SHB: variants seen among roughly 807,000 people sequenced by gnomAD.
The protein encoded by SHB is SH2 domain-containing adapter protein B.
In SHB, 20 loss-of-function variants were observed where a neutral mutation model predicts 52.3. The observed-to-expected ratio is 0.38, with a 90% CI of 0.27 to 0.56. SHB has a LOEUF of 0.56. Ranked by LOEUF, SHB falls within the 20% of genes least tolerant of loss-of-function variation. SHB has a pLI of 0.71. For synonymous variants in SHB, 397 were observed against 316.5 expected (o/e 1.25, Z -2.70); for missense variants, 825 against 723.3 (o/e 1.14, Z -1.61).
At chr9:38,028,282 C>A (rs1448776963) in intron 1 of SHB, among the ~76,000 whole-genome samples, 1 of 152,188 alleles carries the variant, frequency 6.6e-6, no homozygotes, top group African/African-American at 2.4e-5. Context: ...TCAAGGAGGG[C>A]CCAGAGCTGT....
At chr9:38,037,704 A>C (rs1428193720) in intron 1 of SHB, among the ~76,000 whole-genome samples, 1 of 152,176 alleles carries the variant, frequency 6.6e-6, no homozygotes, top group Non-Finnish European at 1.5e-5. Context: ...CACCTCCGCT[A>C]GAAGTGAGCC....
chr9:37,954,036 G>A (rs1832600360), intron 4 of SHB, among the ~76,000 whole-genome samples: 1 of 152,182 alleles, frequency 6.6e-6, no homozygotes, highest in Admixed American at 6.5e-5. Flanking sequence ...GCTGGGCCCA[G>A]ACTGACCCAG....
intron 1 of SHB, among the ~76,000 whole-genome samples, chr9:38,044,780 CTCTG>C (rs1357194088): frequency 6.6e-6 from 1 of 152,236 alleles, no homozygotes; most frequent in Non-Finnish European, 1.5e-5. Flanking sequence ...CAATCAACCT[CTCTG>C]AGATCACTTA....
At position 37,977,302 on chromosome 9, in the gene SHB, T is replaced by C. The variant is rs1199979008; in HGVS notation, c.839-2465A>G. 2.6e-5 allele frequency among the ~76,000 whole-genome samples: 4 copies of C among 151,824 alleles called. No individual in the cohort carries two copies. In the East Asian group the frequency reaches 5.8e-4, roughly 22 times the overall value. On this transcript the variant is annotated intron_variant, in intron 2 of 5. Coordinates refer to ENST00000377707, the MANE Select transcript of SHB (RefSeq NM_003028.3). Reference sequence around the variant, plus strand: ...GGGGCTTGCTTTCTCTGCTGAGAGGTGAGATTTGCAAGTGTTGGAGAGCCA... The same window carrying C: ...GGGGCTTGCTTTCTCTGCTGAGAGGCGAGATTTGCAAGTGTTGGAGAGCCA...
intron 5 of SHB, among the ~76,000 whole-genome samples, chr9:37,930,585 A>G (rs1303424688): frequency 1.3e-5 from 2 of 152,216 alleles, no homozygotes; most frequent in Non-Finnish European, 2.9e-5. Context: ...CTCCTCACCA[A>G]CTGACCAAGG....
intron 3 of SHB, among the ~76,000 whole-genome samples, chr9:37,956,393 G>A (rs965152947): frequency 6.6e-6 from 1 of 152,164 alleles, no homozygotes; most frequent in African/African-American, 2.4e-5. Flanking sequence ...CCTCTGGACA[G>A]TTCTCAGGGG....
At chr9:38,062,428 T>TGAACCCGGGAGGCAGAGGTTGCA (rs1821906850) in intron 1 of SHB, among the ~76,000 whole-genome samples, 1 of 152,208 alleles carries the variant, frequency 6.6e-6, no homozygotes, top group Admixed American at 6.5e-5. Context: ...TGGCTGGCCT[T>TGAACCCGGGAGGCAGAGGTTGCA]ATGATTTGCT....
At chr9:38,015,536 T>G in intron 2 of SHB, 1 of 696,198 alleles carries the variant, frequency 1.4e-6, no homozygotes, top group South Asian at 1.5e-5. Context: ...CAAAGATTTC[T>G]CGGGATGCGG....
chr9:37,921,801 C>G (rs1832183532), intron 5 of SHB, among the ~76,000 whole-genome samples: 1 of 152,228 alleles, frequency 6.6e-6, no homozygotes, highest in African/African-American at 2.4e-5. Flanking sequence ...ACTCACCTAC[C>G]CACCACGCCG....
At chr9:37,983,960 A>G (rs1464071138) in intron 2 of SHB, among the ~76,000 whole-genome samples, 1 of 152,196 alleles carries the variant, frequency 6.6e-6, no homozygotes, top group Non-Finnish European at 1.5e-5. Flanking sequence ...GAAAACACCG[A>G]TCCCACTAGA....
intron 5 of SHB, 141 bp downstream of exon 5, chr9:37,948,494 T>C (rs746897252): frequency 4.5e-5 from 45 of 989,788 alleles, no homozygotes; most frequent in Middle Eastern, 6.5e-4. Context: ...TAGGATCAAA[T>C]TGAAAAACCC....
At chr9:37,924,482 G>A (rs1402759189) in intron 5 of SHB, among the ~76,000 whole-genome samples, 1 of 152,180 alleles carries the variant, frequency 6.6e-6, no homozygotes, top group East Asian at 1.9e-4. Flanking sequence ...TATTTATGCA[G>A]GAGAAGGATG....
intron 1 of SHB, among the ~76,000 whole-genome samples, chr9:38,018,649 C>T (rs1821247211): frequency 6.6e-6 from 1 of 152,020 alleles, no homozygotes; most frequent in Non-Finnish European, 1.5e-5. Context: ...CAACCTGAAA[C>T]TTTGCAAACA....
At chr9:38,060,017 C>T (rs1587269280) in intron 1 of SHB, among the ~76,000 whole-genome samples, 1 of 152,156 alleles carries the variant, frequency 6.6e-6, no homozygotes, top group East Asian at 1.9e-4. Context: ...GGACATTTTA[C>T]AAAGAGTAAG....
Position 37,947,235 on chromosome 9 carries a change from C to T in SHB, c.1346+1400G>A, listed in dbSNP as rs150506246. Among the ~76,000 whole-genome samples the T allele has an allele frequency of 1.4e-3, 218 of 152,314 alleles. 1 individual carries two copies. The highest frequency in any genetic ancestry group is 5.0e-3 in the African/African-American group (206 of 41,568). ...TCTTGTTTGTCTTGAGTGCCCTACC[C>T]GCTAGGCTAGAAGTTCCCTCTGCAT... On this transcript the variant is annotated intron_variant, in intron 5 of 5. Coordinates refer to ENST00000377707, the MANE Select transcript of SHB (RefSeq NM_003028.3).
chr9:37,976,092 G>A (rs1360538556), intron 2 of SHB, among the ~76,000 whole-genome samples: 1 of 152,140 alleles, frequency 6.6e-6, no homozygotes, highest in Non-Finnish European at 1.5e-5. Flanking sequence ...CTGGAGTGCA[G>A]TGCTACAATC....
At chr9:37,952,416 C>T (rs1418429303) in intron 4 of SHB, among the ~76,000 whole-genome samples, 1 of 152,212 alleles carries the variant, frequency 6.6e-6, no homozygotes, top group African/African-American at 2.4e-5. Flanking sequence ...AGCAGAAAGG[C>T]GGCAAGAATG....
chr9:38,049,568 A>C (rs1821709265), intron 1 of SHB, among the ~76,000 whole-genome samples: 2 of 150,606 alleles, frequency 1.3e-5, no homozygotes, highest in South Asian at 4.2e-4. Context: ...CTATCGCACC[A>C]CTGCACTCCA....
At chr9:38,066,999 G>A (rs1057246006) in intron 1 of SHB, among the ~76,000 whole-genome samples, 4 of 152,292 alleles carry the variant, frequency 2.6e-5, no homozygotes, top group South Asian at 2.1e-4. Context: ...TCCACCAGAA[G>A]ACAGAACAAG....
Sources: gnomAD v4.1 joint callset for allele counts (sites outside exome capture counted in the v4.1 genomes callset) on GRCh38, gnomAD v4.1.1 for gene constraint, MANE v1.5 for transcripts, NCBI Gene and HGNC (gene_info 2026-07-23, HGNC 2026-07-21) for gene names.